The following NKAIN2 variants were observed in gnomAD, a reference collection of about 807,000 sequenced individuals.
The protein encoded by NKAIN2 is sodium/potassium-transporting ATPase subunit beta-1-interacting protein 2.
In NKAIN2, 14 loss-of-function variants were observed where a neutral mutation model predicts 32.6. The observed-to-expected ratio is 0.43, with a 90% CI of 0.28 to 0.67. NKAIN2 has a LOEUF of 0.67. Ranked by LOEUF, NKAIN2 falls within the 30% of genes least tolerant of loss-of-function variation. The pLI, the probability that NKAIN2 is intolerant of heterozygous loss-of-function variation, is 0.17. For synonymous variants in NKAIN2, 80 were observed against 87.2 expected, an observed-to-expected ratio of 0.92 and a Z score of 0.46; for missense variants, 198 against 258.3, an observed-to-expected ratio of 0.77 and a Z score of 1.60.
rs372378879 is a variant in NKAIN2, at chr6:124,650,571, G to A, written c.274-7615G>A. Among the ~76,000 whole-genome samples, 6 of 152,190 alleles carry A rather than the reference G, an allele frequency of 3.9e-5. No homozygotes were observed. In the East Asian group the frequency reaches 7.7e-4, roughly 20 times the overall value. The stretch of plus-strand genomic sequence containing the variant: ...TATGGCAGAAAGGCAAAAAGACAGG[G>A]AGATATATGAGGGGAAAGAGAACAA... On this transcript the variant is annotated intron_variant, in intron 3 of 6. Transcript: ENST00000368417.
At chr6:124,341,282 G>A (rs903124009) in intron 2 of NKAIN2, among the ~76,000 whole-genome samples, 1 of 152,016 alleles carries the variant, frequency 6.6e-6, no homozygotes, top group Non-Finnish European at 1.5e-5. Context: ...TGATTGAACT[G>A]ACACATATGT....
At chr6:124,249,357 G>A (rs1250861217) in intron 1 of NKAIN2, among the ~76,000 whole-genome samples, 1 of 152,070 alleles carries the variant, frequency 6.6e-6, no homozygotes, top group African/African-American at 2.4e-5. Context: ...TTTGGTACTT[G>A]TGATAGAAGA....
chr6:123,853,884 T>G (rs1775454460), intron 1 of NKAIN2, among the ~76,000 whole-genome samples: 1 of 152,050 alleles, frequency 6.6e-6, no homozygotes, highest in South Asian at 2.1e-4. Context: ...GCAATTCTCC[T>G]GCCTCAGCCT....
chr6:124,302,257 C>A (rs150126600), intron 2 of NKAIN2, among the ~76,000 whole-genome samples: 1 of 152,328 alleles, frequency 6.6e-6, no homozygotes, highest in East Asian at 1.9e-4. Context: ...AACTGTGAGT[C>A]AGTTAAACCT....
At chr6:123,958,129 G>A (rs1381070426) in intron 1 of NKAIN2, among the ~76,000 whole-genome samples, 1 of 152,120 alleles carries the variant, frequency 6.6e-6, no homozygotes, top group Non-Finnish European at 1.5e-5. Context: ...CAGTTTTAGG[G>A]TCTCTGCCCT....
chr6:124,403,372 C>T (rs1276008532), intron 3 of NKAIN2, among the ~76,000 whole-genome samples: 7 of 152,018 alleles, frequency 4.6e-5, no homozygotes, highest in Non-Finnish European at 1.0e-4. Context: ...CATATACATT[C>T]ATAATCATAT....
intron 1 of NKAIN2, among the ~76,000 whole-genome samples, chr6:123,881,444 G>C (rs1352677): frequency 0.34 from 51,385 of 152,038 alleles, 9,448 homozygotes; most frequent in East Asian, 0.49. Context: ...AAGCAATACA[G>C]TATGTTAAAT....
intron 3 of NKAIN2, among the ~76,000 whole-genome samples, chr6:124,493,730 A>C (rs77426625): frequency 6.7e-6 from 1 of 149,634 alleles, no homozygotes; most frequent in Non-Finnish European, 1.5e-5. Flanking sequence ...AAAAAAAAAA[A>C]AAAAAAAAAA....
chr6:124,680,429 C>T (rs1198980384), intron 4 of NKAIN2, among the ~76,000 whole-genome samples: 1 of 152,002 alleles, frequency 6.6e-6, no homozygotes, highest in Non-Finnish European at 1.5e-5. Context: ...AGCCTTTTAA[C>T]ATAGAACACT....
intron 4 of NKAIN2, among the ~76,000 whole-genome samples, chr6:124,767,056 G>A (rs758379953): frequency 6.6e-6 from 1 of 151,894 alleles, no homozygotes; most frequent in Non-Finnish European, 1.5e-5. Flanking sequence ...CATCACGCCC[G>A]GGTAATTTTT....
intron 1 of NKAIN2, among the ~76,000 whole-genome samples, chr6:123,833,629 T>C (rs1774477033): frequency 6.6e-6 from 1 of 152,014 alleles, no homozygotes; most frequent in Admixed American, 6.6e-5. Context: ...TTTGTATATC[T>C]TTTATAGATT....
chr6:123,843,404 G>A (rs1182413954), intron 1 of NKAIN2, among the ~76,000 whole-genome samples: 2 of 152,128 alleles, frequency 1.3e-5, no homozygotes, highest in Non-Finnish European at 2.9e-5. Context: ...ATGTTCAGCT[G>A]CCTCTTCTCC....
intron 1 of NKAIN2, among the ~76,000 whole-genome samples, chr6:124,254,601 A>G (rs1395660016): frequency 1.3e-5 from 2 of 152,156 alleles, no homozygotes; most frequent in African/African-American, 4.8e-5. Flanking sequence ...GATTCAGCCC[A>G]AGATAATGAT....
chr6:123,850,355 A>AAAAATATAT (rs1262534272), intron 1 of NKAIN2, among the ~76,000 whole-genome samples: 2 of 133,498 alleles, frequency 1.5e-5, no homozygotes, highest in African/African-American at 5.9e-5. Flanking sequence ...AAAAAAAAAA[A>AAAAATATAT]ATATATATAT....
intron 1 of NKAIN2, among the ~76,000 whole-genome samples, chr6:123,994,548 C>T (rs1779539612): frequency 6.6e-6 from 1 of 152,012 alleles, no homozygotes. Context: ...AGTTAGAAGT[C>T]TCTCCCCTTC....
intron 1 of NKAIN2, among the ~76,000 whole-genome samples, chr6:123,832,062 A>G (rs1774409815): frequency 6.6e-6 from 1 of 152,206 alleles, no homozygotes; most frequent in Non-Finnish European, 1.5e-5. Flanking sequence ...CATAGTGGCC[A>G]GTATCCATCA....
intron 4 of NKAIN2, among the ~76,000 whole-genome samples, chr6:124,710,531 A>T (rs1000181366): frequency 1.3e-5 from 2 of 152,114 alleles, no homozygotes; most frequent in African/African-American, 4.8e-5. Flanking sequence ...GGGTGCGTAT[A>T]TATTTAGGTT....
At chr6:123,816,055 A>G (rs1773680868) in intron 1 of NKAIN2, among the ~76,000 whole-genome samples, 1 of 152,184 alleles carries the variant, frequency 6.6e-6, no homozygotes, top group Admixed American at 6.5e-5. Context: ...TGGTACTAGT[A>G]TACGATAGGG....
Position 124,755,498 on chromosome 6 carries a change from C to A in NKAIN2, c.475-35841C>A, listed in dbSNP as rs553772746. ...CAATCAAGTTGACATCTAATATTAA[C>A]CATCACATGTACCATGGAATACTAT... On this transcript the variant is annotated intron_variant, in intron 4 of 6. Transcript: ENST00000368417. 2.0e-5 allele frequency among the ~76,000 whole-genome samples: 3 copies of A among 152,258 alleles called. No individual in the cohort carries two copies. The East Asian group carries it at 5.8e-4, about 29-fold the overall frequency.
Sources: allele counts gnomAD v4.1 joint callset (sites outside exome capture counted in the v4.1 genomes callset), GRCh38; gene constraint gnomAD v4.1.1; transcripts MANE v1.5; gene names NCBI Gene and HGNC (gene_info 2026-07-23, HGNC 2026-07-21).